Variants in KLHL1 observed in about 807,000 individuals in gnomAD.
KLHL1 encodes the protein kelch-like protein 1.
KLHL1 carries 47 observed loss-of-function variants against 77.7 expected under a neutral mutation model. The observed-to-expected ratio is 0.60, with a 90% CI of 0.48 to 0.77. The LOEUF (loss-of-function observed/expected upper bound fraction) is 0.77. KLHL1 is among the 30% of genes least tolerant of loss of function. The pLI is 0.00. For synonymous variants in KLHL1, 360 were observed against 325.2 expected (o/e 1.11, Z -1.15); for missense variants, 925 against 910.8 (o/e 1.02, Z -0.20).
At chr13:70,078,646 C>T (rs1050410704) in intron 1 of KLHL1, among the ~76,000 whole-genome samples, 2 of 152,048 alleles carry the variant, frequency 1.3e-5, no homozygotes, top group African/African-American at 4.8e-5. Flanking sequence ...TCTTTGCCTT[C>T]AAATCTATAA....
At position 70,028,303 on chromosome 13, in the gene KLHL1, C is replaced by T. The variant is rs181153040; in HGVS notation, c.498-52501G>A. On this transcript the variant is annotated intron_variant, in intron 1 of 10. Transcript: ENST00000377844. ...CACTCAATAAAGGGAGATTACTTTG[C>T]GGCCCATGGACAGCCAAAAATATGA... Among the ~76,000 whole-genome samples the T allele has an allele frequency of 2.3e-3, 352 of 152,192 alleles. 2 individuals carry two copies. The highest frequency in any genetic ancestry group is 8.2e-3 in the African/African-American group (340 of 41,522).
chr13:69,885,232 G>A (rs185147397), intron 4 of KLHL1, among the ~76,000 whole-genome samples: 1,804 of 136,850 alleles, frequency 0.013, 50 homozygotes, highest in Non-Finnish European at 0.02. Flanking sequence ...GAGCCACCGC[G>A]CCCGGCCCTT....
At chr13:70,059,944 A>T (rs2472266) in intron 1 of KLHL1, among the ~76,000 whole-genome samples, 150,837 of 152,270 alleles carry the variant, frequency 0.99, 74,716 homozygotes, top group East Asian at 1. Flanking sequence ...GCCAATCACA[A>T]CCCACTAGGC....
At chr13:69,828,814 G>A (rs569418445) in intron 6 of KLHL1, among the ~76,000 whole-genome samples, 39 of 149,778 alleles carry the variant, frequency 2.6e-4, no homozygotes, top group Non-Finnish European at 5.0e-4. Context: ...CCTGTATGAC[G>A]CAGCAGAAGC....
Position 69,898,472 on chromosome 13 carries a change from G to A in KLHL1, c.1015-15977C>T, listed in dbSNP as rs140474858. Among the ~76,000 whole-genome samples, 175 of 152,262 alleles carry A rather than the reference G, an allele frequency of 1.1e-3. 1 individual carries two copies. Among genetic ancestry groups the A allele is most frequent in the Middle Eastern group, 0.01 (3 of 294 alleles). On this transcript the variant is annotated intron_variant, in intron 4 of 10. Coordinates refer to ENST00000377844, the MANE Select transcript of KLHL1 (RefSeq NM_020866.3). ...ATGACACTTGCAACACCTGGCACTAGGATGCAGGGAAACAAATAATACTCT... is the reference window on the plus strand; with the variant it reads ...ATGACACTTGCAACACCTGGCACTAAGATGCAGGGAAACAAATAATACTCT...
chr13:70,096,813 ACCT>A (rs1887803789), intron 1 of KLHL1, among the ~76,000 whole-genome samples: 1 of 151,886 alleles, frequency 6.6e-6, no homozygotes, highest in Admixed American at 6.6e-5. Flanking sequence ...ATGGCTGGCT[ACCT>A]CCTATTGCAG....
intron 4 of KLHL1, among the ~76,000 whole-genome samples, chr13:69,883,621 T>C (rs931704224): frequency 8.5e-5 from 13 of 152,192 alleles, no homozygotes; most frequent in African/African-American, 2.9e-4. Context: ...TATATAACCT[T>C]GTATATCTAG....
chr13:69,770,143 G>A (rs922931833), intron 7 of KLHL1, among the ~76,000 whole-genome samples: 1 of 152,190 alleles, frequency 6.6e-6, no homozygotes, highest in Non-Finnish European at 1.5e-5. Flanking sequence ...CATGATGGCT[G>A]GAGTCTCTGA....
intron 6 of KLHL1, among the ~76,000 whole-genome samples, chr13:69,800,010 A>G (rs986171085): frequency 6.6e-6 from 1 of 152,086 alleles, no homozygotes; most frequent in Non-Finnish European, 1.5e-5. Flanking sequence ...AGGTGGAACA[A>G]TTTCACCCTG....
chr13:69,993,514 G>T (rs1885076712), intron 1 of KLHL1, among the ~76,000 whole-genome samples: 1 of 152,010 alleles, frequency 6.6e-6, no homozygotes, highest in Non-Finnish European at 1.5e-5. Flanking sequence ...AAAGAGGTCG[G>T]TGTATTATTT....
At chr13:69,926,882 G>A (rs1882831810) in intron 4 of KLHL1, among the ~76,000 whole-genome samples, 1 of 130,532 alleles carries the variant, frequency 7.7e-6, no homozygotes, top group African/African-American at 2.8e-5. Flanking sequence ...GGGAGGCAGA[G>A]CTTGCAGTGA....
At chr13:69,859,738 T>C (rs1361389614) in intron 5 of KLHL1, among the ~76,000 whole-genome samples, 1 of 152,154 alleles carries the variant, frequency 6.6e-6, no homozygotes, top group Non-Finnish European at 1.5e-5. Flanking sequence ...CAGAATTTTC[T>C]TAGCTAAATT....
chr13:70,027,079 C>T (rs1304093584), intron 1 of KLHL1, among the ~76,000 whole-genome samples: 1 of 151,834 alleles, frequency 6.6e-6, no homozygotes, highest in Non-Finnish European at 1.5e-5. Context: ...AAGATATATT[C>T]TTAAATACAA....
At chr13:69,989,235 G>A (rs763303027) in intron 1 of KLHL1, among the ~76,000 whole-genome samples, 2 of 151,928 alleles carry the variant, frequency 1.3e-5, no homozygotes, top group Non-Finnish European at 2.9e-5. Context: ...CCCATTGCTT[G>A]TTTTTGTCAC....
chr13:70,030,387 A>C (rs1426976851), intron 1 of KLHL1, among the ~76,000 whole-genome samples: 1 of 152,064 alleles, frequency 6.6e-6, no homozygotes, highest in Non-Finnish European at 1.5e-5. Flanking sequence ...AATTATAACA[A>C]ACTGTCTCTC....
chr13:70,051,104 GA>G (rs1236330503), intron 1 of KLHL1, among the ~76,000 whole-genome samples: 2 of 151,998 alleles, frequency 1.3e-5, no homozygotes, highest in African/African-American at 4.8e-5. Context: ...TACAAAAATA[GA>G]CGTGTGGGGT....
intron 7 of KLHL1, among the ~76,000 whole-genome samples, chr13:69,789,876 A>G (rs567643493): frequency 9.9e-5 from 15 of 152,252 alleles, no homozygotes; most frequent in Middle Eastern, 3.4e-3. Context: ...TTGAAGCAAC[A>G]TTAAGTAAGT....
At chr13:69,716,146 G>T (rs560493437) in intron 9 of KLHL1, among the ~76,000 whole-genome samples, 1 of 151,786 alleles carries the variant, frequency 6.6e-6, no homozygotes, top group Non-Finnish European at 1.5e-5. Flanking sequence ...CCATCCTTCC[G>T]CTCTTACCAA....
At chr13:69,985,159 C>CA (rs1233873624) in intron 1 of KLHL1, among the ~76,000 whole-genome samples, 2 of 151,498 alleles carry the variant, frequency 1.3e-5, no homozygotes, top group African/African-American at 4.9e-5. Flanking sequence ...AACCTCTGTG[C>CA]AAAAAAAGAT....
Sources: allele counts gnomAD v4.1 joint callset (sites outside exome capture counted in the v4.1 genomes callset), GRCh38; gene constraint gnomAD v4.1.1; transcripts MANE v1.5; gene names NCBI Gene and HGNC (gene_info 2026-07-23, HGNC 2026-07-21).